The following RUFY2 variants were observed in gnomAD, a reference collection of about 807,000 sequenced individuals.
The protein encoded by RUFY2 is RUN and FYVE domain-containing protein 2.
RUFY2 carries 49 observed loss-of-function variants against 94.4 expected under a neutral mutation model. That is an observed-to-expected ratio of 0.52 (90% CI 0.41 to 0.66). The LOEUF (loss-of-function observed/expected upper bound fraction) is 0.66. Among genes scored for constraint, RUFY2 ranks in the 30% least tolerant of loss-of-function variants. The pLI, the probability that RUFY2 is intolerant of heterozygous loss-of-function variation, is 0.00. For missense variants in RUFY2, 541 were observed against 692.8 expected (o/e 0.78, Z 2.46); for synonymous variants, 255 against 235.7 (o/e 1.08, Z -0.75).
intron 2 of RUFY2, among the ~76,000 whole-genome samples, chr10:68,403,181 G>T: frequency 6.7e-6 from 1 of 148,334 alleles, no homozygotes; most frequent in Admixed American, 6.7e-5. Flanking sequence ...ACAGAATAAT[G>T]CTAATAGCAT....
intron 13 of RUFY2, among the ~76,000 whole-genome samples, chr10:68,375,356 T>C (rs984774361): frequency 9.9e-5 from 15 of 151,762 alleles, no homozygotes; most frequent in Admixed American, 2.0e-4. Context: ...AAGATAACTA[T>C]TGGGTACTGG....
At chr10:68,387,553 T>C (rs1243578985) in intron 7 of RUFY2, among the ~76,000 whole-genome samples, 1 of 152,216 alleles carries the variant, frequency 6.6e-6, no homozygotes, top group Non-Finnish European at 1.5e-5. Flanking sequence ...TCCATTCATA[T>C]TAAATCATTT....
chr10:68,371,086 C>G (rs530169071), intron 13 of RUFY2, among the ~76,000 whole-genome samples: 2 of 148,800 alleles, frequency 1.3e-5, no homozygotes, highest in East Asian at 4.0e-4. Context: ...GAGCTGAGAC[C>G]GCGCCACTGC....
intron 16 of RUFY2, 119 bp from the exon 17 acceptor site, chr10:68,346,203 T>C (rs1589747028): frequency 1.3e-6 from 1 of 765,362 alleles, no homozygotes; most frequent in Non-Finnish European, 2.1e-6. Context: ...AAATAAGTTA[T>C]TTTCTTTGAG....
In RUFY2 at chr10:68,345,678, G is replaced by T; in HGVS notation, c.*90C>A. 1 of 1,215,066 alleles carries T rather than the reference G, an allele frequency of 8.2e-7. No individual in the cohort carries two copies. Among genetic ancestry groups the T allele is most frequent in the Non-Finnish European group, 1.2e-6 (1 of 860,290 alleles). 75.3% of individuals were successfully genotyped at this position (1,215,066 alleles called of 1,614,324 possible). A position where few individuals can be genotyped will look rare whatever the true frequency, so the allele number is the denominator to read the frequency against. On this transcript the variant is annotated 3_prime_UTR_variant, in exon 18 of 18. Coordinates refer to ENST00000602465, the MANE Select transcript of RUFY2 (RefSeq NM_001330103.2). The stretch of plus-strand genomic sequence containing the variant: ...TGGTACCAAATACTGACCGAAAGCC[G>T]CTTAAGGAGAGCTGTCTGGTTACCT...
chr10:68,372,539 T>C lies in RUFY2; in HGVS notation c.1325+4314A>G, dbSNP rs574694141. ...AGGTTGCAGTGAGCCATGATCACAC[T>C]ACTGTATTCCAGCCTCAGTGACAGA... On this transcript the variant is annotated intron_variant, in intron 13 of 17. Coordinates refer to ENST00000602465, the MANE Select transcript of RUFY2 (RefSeq NM_001330103.2). Among the ~76,000 whole-genome samples, 17 of 144,812 alleles carry C rather than the reference T, an allele frequency of 1.2e-4. No individual in the cohort carries two copies. In the South Asian group the frequency reaches 3.1e-3, roughly 26 times the overall value.
At chr10:68,407,113 T>G in intron 1 of RUFY2, 73 bp downstream of exon 1, 1 of 1,514,338 alleles carries the variant, frequency 6.6e-7, no homozygotes, top group Non-Finnish European at 8.8e-7. Context: ...CAGCTCCCAG[T>G]CCACCCCGCC....
intron 14 of RUFY2, 124 bp from the exon 15 acceptor site, chr10:68,363,808 CA>C (rs1379244574): frequency 3.6e-6 from 3 of 841,490 alleles, no homozygotes; most frequent in Non-Finnish European, 5.4e-6. Context: ...AAATTGTGTC[CA>C]AAGCTCTTTC....
intron 9 of RUFY2, 59 bp from the exon 10 acceptor site, chr10:68,383,973 T>C (rs1589920438): frequency 1.9e-6 from 3 of 1,572,260 alleles, no homozygotes; most frequent in Non-Finnish European, 2.6e-6. Flanking sequence ...AGCATAGAAA[T>C]ACCTACTTCA....
chr10:68,390,498 A>G (rs2049891969), intron 7 of RUFY2, among the ~76,000 whole-genome samples: 2 of 152,226 alleles, frequency 1.3e-5, no homozygotes, highest in East Asian at 3.8e-4. Context: ...TATGGCCGCC[A>G]TGAGCCACAT....
chr10:68,379,284 C>T (rs527804893), intron 12 of RUFY2, 140 bp downstream of exon 12: 18 of 605,328 alleles, frequency 3.0e-5, no homozygotes, highest in South Asian at 7.5e-5. Context: ...AAAGCAAAAA[C>T]GCAAAATCCT....
At chr10:68,391,393 A>G (rs1334812151) in intron 7 of RUFY2, among the ~76,000 whole-genome samples, 1 of 152,050 alleles carries the variant, frequency 6.6e-6, no homozygotes, top group East Asian at 1.9e-4. Context: ...TCATGCCTGT[A>G]ATTTCAGCAC....
In RUFY2 at chr10:68,377,166, TC is replaced by T. The variant is rs935540711; in HGVS notation, c.1206-195del. The T allele has an allele frequency of 2.9e-5, 41 of 1,431,820 alleles. No homozygotes were observed. In the African/African-American group the frequency reaches 5.5e-4, roughly 19 times the overall value. 88.7% of individuals were successfully genotyped at this position (1,431,820 alleles called of 1,614,324 possible). ...GAAGTTGTTTTGTGATTTTTTTTTT[TC>T]AATATAACATGTAGTATGCCCAGAA... On this transcript the variant is annotated intron_variant, in intron 12 of 17. Transcript: ENST00000602465.
In RUFY2 at chr10:68,346,103, T is replaced by TA. The variant is rs761826802; in HGVS notation, c.1600-20dup. On this transcript the variant is annotated intron_variant, in intron 16 of 17. Transcript: ENST00000602465. ...CCAGTCCCTAGTAGGAAGAAAATAT[T>TA]AATGCTCAAATTGGTAACACTAAAA... 5.7e-6 allele frequency: 9 copies of TA among 1,582,914 alleles called. No homozygotes were observed. In the South Asian group the frequency reaches 1.0e-4, roughly 18 times the overall value.
Position 68,370,453 on chromosome 10 carries a change from T to C in RUFY2, c.1326-6340A>G, listed in dbSNP as rs544647452. ...TAACAAGGCATTTCTTTTTTCTTTTTTTTTTTTTTTTTTTGAGACAGAGTC... is the reference window on the plus strand; with the variant it reads ...TAACAAGGCATTTCTTTTTTCTTTTCTTTTTTTTTTTTTTGAGACAGAGTC... On this transcript the variant is annotated intron_variant, in intron 13 of 17. Transcript: ENST00000602465. 9.9e-4 allele frequency among the ~76,000 whole-genome samples: 144 copies of C among 145,628 alleles called. No homozygotes were observed. The East Asian group carries it at 0.019, about 19-fold the overall frequency.
chr10:68,368,062 T>C (rs2047991429), intron 13 of RUFY2, among the ~76,000 whole-genome samples: 1 of 149,392 alleles, frequency 6.7e-6, no homozygotes, highest in Non-Finnish European at 1.5e-5. Context: ...GCCTCCCGGG[T>C]TCAAGTAATT....
intron 16 of RUFY2, among the ~76,000 whole-genome samples, chr10:68,354,248 C>A (rs2046895693): frequency 6.6e-6 from 1 of 152,098 alleles, no homozygotes; most frequent in South Asian, 2.1e-4. Flanking sequence ...ATGATCAAGG[C>A]TCCCTGCAGC....
Position 68,383,695 on chromosome 10 carries a change from C to G in RUFY2, c.939+103G>C, listed in dbSNP as rs77988731. 4,498 of 810,506 alleles carry G rather than the reference C, an allele frequency of 5.5e-3. 152 individuals carry two copies. In the African/African-American group the frequency reaches 0.069, roughly 12 times the overall value. The allele number at this position is 810,506 out of a possible 1,614,324, so 50.2% of individuals were successfully genotyped here. On this transcript the variant is annotated intron_variant, in intron 10 of 17. Coordinates refer to ENST00000602465, the MANE Select transcript of RUFY2 (RefSeq NM_001330103.2). Reference sequence around the variant, plus strand: ...ATTAAGGGGTGAGCTTGCTACATACCACACCAAAAAGGATAAGGCTGAAAA... The same window carrying G: ...ATTAAGGGGTGAGCTTGCTACATACGACACCAAAAAGGATAAGGCTGAAAA...
intron 15 of RUFY2, among the ~76,000 whole-genome samples, chr10:68,357,016 A>T (rs2047100681): frequency 6.6e-6 from 1 of 151,448 alleles, no homozygotes. Flanking sequence ...ATACCAAAAA[A>T]ATTAGCTGGG....
Sources: gnomAD v4.1 joint callset for allele counts (sites outside exome capture counted in the v4.1 genomes callset) on GRCh38, gnomAD v4.1.1 for gene constraint, MANE v1.5 for transcripts, NCBI Gene and HGNC (gene_info 2026-07-23, HGNC 2026-07-21) for gene names.